Variants in TUBGCP3 observed in about 807,000 individuals in gnomAD.
TUBGCP3 encodes the protein tubulin gamma complex component 3.
TUBGCP3 carries 50 observed loss-of-function variants against 123.1 expected under a neutral mutation model. The ratio of observed to expected loss-of-function variants is 0.41; its 90% confidence interval spans 0.32 to 0.51. TUBGCP3 has a LOEUF of 0.51. Among genes scored for constraint, TUBGCP3 ranks in the 20% least tolerant of loss-of-function variants. The pLI is 0.36. For missense variants in TUBGCP3, 882 were observed against 1,127.0 expected, an observed-to-expected ratio of 0.78 and a Z score of 3.11; for synonymous variants, 405 against 413.9, an observed-to-expected ratio of 0.98 and a Z score of 0.26.
At chr13:112,518,891 C>T in intron 16 of TUBGCP3, 84 bp downstream of exon 16, 1 of 1,226,904 alleles carries the variant, frequency 8.2e-7, no homozygotes, top group South Asian at 1.2e-5. Flanking sequence ...TTAGAAGTCC[C>T]CAGAGAAGAA....
At position 112,526,696 on chromosome 13, in the gene TUBGCP3, T is replaced by C. The variant is rs111220137; in HGVS notation, c.1555+246A>G. On this transcript the variant is annotated intron_variant, in intron 13 of 21. Transcript: ENST00000261965. ...TCACATCACCATCATCACACCACCA[T>C]CATTACCCCCATCATCATCACCATC... Among the ~76,000 whole-genome samples the C allele has an allele frequency of 6.6e-3, 900 of 137,316 alleles. 8 individuals carry two copies. The highest frequency in any genetic ancestry group is 0.011 in the Non-Finnish European group (671 of 63,738). 90.1% of individuals were successfully genotyped at this position (137,316 alleles called of 152,430 possible). A position where few individuals can be genotyped will look rare whatever the true frequency, so the allele number is the denominator to read the frequency against.
intron 11 of TUBGCP3, among the ~76,000 whole-genome samples, chr13:112,531,366 A>G (rs549254202): frequency 5.3e-5 from 8 of 152,230 alleles, no homozygotes; most frequent in Admixed American, 3.9e-4. Context: ...GGTAAACAGC[A>G]GTACTATCAC....
intron 17 of TUBGCP3, among the ~76,000 whole-genome samples, chr13:112,513,416 C>A (rs757913141): frequency 6.6e-6 from 1 of 152,230 alleles, no homozygotes; most frequent in Non-Finnish European, 1.5e-5. Flanking sequence ...ATCAAAAACT[C>A]TTGCCCCCAG....
At chr13:112,587,857 C>T (rs1566599809) in intron 1 of TUBGCP3, 48 bp downstream of exon 1, 3 of 1,526,378 alleles carry the variant, frequency 2.0e-6, no homozygotes, top group Non-Finnish European at 8.9e-7. Context: ...GCGCAGGGAG[C>T]AGCCCCCGGG....
intron 17 of TUBGCP3, among the ~76,000 whole-genome samples, chr13:112,505,327 ATGTATGTG>A (rs931975691): frequency 7.2e-5 from 11 of 152,248 alleles, no homozygotes; most frequent in Non-Finnish European, 1.0e-4. Context: ...TGTTACACTA[ATGTATGTG>A]ATGGCTAAAT....
intron 3 of TUBGCP3, among the ~76,000 whole-genome samples, chr13:112,560,132 CAA>C (rs778347153): frequency 1.5e-4 from 13 of 87,646 alleles, no homozygotes; most frequent in Admixed American, 4.0e-4. Flanking sequence ...GACTCCGTCT[CAA>C]AAAAAAAAAA....
Position 112,556,217 on chromosome 13 carries a change from T to C in TUBGCP3, c.556A>G (p.Asn186Asp). The part of the protein sequence containing the change: ...APQSLLPGQS[N>D]QAPGVGDCLR... The stretch of plus-strand genomic sequence containing the variant: ...CAATCTCCTACTCCTGGAGCTTGAT[T>C]AGACTGTCTAAAAAAAGAAACATGT... The change falls in exon 6 of 22, where the codon AAT becomes GAT. Residue 186 changes from asparagine to aspartate, a missense_variant. Asn to Asp is a conservative substitution (Grantham distance 23). Around this residue, in one of 3 missense-constraint regions of TUBGCP3, gnomAD observed 713 missense variants for 874.0 expected, o/e 0.82. Transcript: ENST00000261965. 6.2e-7 allele frequency: 1 copy of C among 1,612,550 alleles called. No individual in the cohort carries two copies.
intron 21 of TUBGCP3, among the ~76,000 whole-genome samples, chr13:112,487,755 A>G (rs140918841): frequency 1.3e-5 from 2 of 152,328 alleles, no homozygotes; most frequent in East Asian, 3.9e-4. Context: ...ACAAAAATGC[A>G]AAAGTAGGCC....
chr13:112,591,073 A>G (rs1236058931), upstream of TUBGCP3, among the ~76,000 whole-genome samples: 1 of 152,206 alleles, frequency 6.6e-6, no homozygotes, highest in Non-Finnish European at 1.5e-5. Context: ...AAGAAGCAAA[A>G]ACTCAAGGAA....
chr13:112,583,619 C>T (rs945270549), intron 1 of TUBGCP3, among the ~76,000 whole-genome samples: 1 of 152,076 alleles, frequency 6.6e-6, no homozygotes, highest in Non-Finnish European at 1.5e-5. Flanking sequence ...TCAAGATGCA[C>T]AAAAATAAAT....
At chr13:112,492,858 G>A (rs149676850) in intron 20 of TUBGCP3, among the ~76,000 whole-genome samples, 211 of 148,604 alleles carry the variant, frequency 1.4e-3, no homozygotes, top group African/African-American at 5.1e-3. Context: ...AAACACTCTA[G>A]CTTTGGGAAC....
chr13:112,588,511 G>T (rs1402161045), upstream of TUBGCP3, among the ~76,000 whole-genome samples: 3 of 152,142 alleles, frequency 2.0e-5, no homozygotes, highest in Non-Finnish European at 4.4e-5. Flanking sequence ...GGTGCAGGGT[G>T]TTACGATTGT....
Position 112,511,130 on chromosome 13 carries a change from G to A in TUBGCP3, c.2086+5310C>T, listed in dbSNP as rs1053519360. Among the ~76,000 whole-genome samples the A allele has an allele frequency of 2.0e-5, 3 of 152,070 alleles. No individual in the cohort carries two copies. The highest frequency in any genetic ancestry group is 1.9e-4 in the East Asian group (1 of 5,184). On this transcript the variant is annotated intron_variant, in intron 17 of 21. Coordinates refer to ENST00000261965, the MANE Select transcript of TUBGCP3 (RefSeq NM_006322.6). This position sits in a 1 kb window ranked among gnomAD's most constrained non-coding sequence, Gnocchi z 4.1. ...GACACTGTCATTTGTAAGATGAATC[G>A]TTATTATATGAATCATCAAGAAAGT...
intron 8 of TUBGCP3, among the ~76,000 whole-genome samples, chr13:112,552,845 C>A (rs1333558112): frequency 6.8e-6 from 1 of 147,612 alleles, no homozygotes; most frequent in Non-Finnish European, 1.5e-5. Context: ...ACACTCCTCC[C>A]CACCAGCCAC....
At chr13:112,597,086 A>G in the TUBGCP3 span, among the ~76,000 whole-genome samples, 1 of 152,202 alleles carries the variant, frequency 6.6e-6, no homozygotes, top group African/African-American at 2.4e-5. Flanking sequence ...ACAAGCTGAA[A>G]CTTACTTTAA....
the TUBGCP3 span, among the ~76,000 whole-genome samples, chr13:112,599,172 T>C: frequency 4.6e-5 from 7 of 152,322 alleles, no homozygotes; most frequent in South Asian, 6.2e-4. Flanking sequence ...TCAACACGAC[T>C]TGTCACTGTT....
chr13:112,500,255 C>G (rs1880814518), intron 19 of TUBGCP3, among the ~76,000 whole-genome samples: 1 of 152,192 alleles, frequency 6.6e-6, no homozygotes, highest in Admixed American at 6.5e-5. Context: ...AATAAGGCAT[C>G]TAAGCAAACT....
At chr13:112,543,276 C>G (rs199779391) in intron 11 of TUBGCP3, among the ~76,000 whole-genome samples, 1 of 152,132 alleles carries the variant, frequency 6.6e-6, no homozygotes, top group Non-Finnish European at 1.5e-5. Flanking sequence ...TAGAAAGATA[C>G]AGGCTCACAA....
At chr13:112,587,685 G>A (rs1464775094) in intron 1 of TUBGCP3, among the ~76,000 whole-genome samples, 1 of 140,856 alleles carries the variant, frequency 7.1e-6, no homozygotes, top group Non-Finnish European at 1.5e-5. Flanking sequence ...CCTCCGCCCC[G>A]GTCCTGGCCC....
Sources: gnomAD v4.1 joint callset for allele counts (sites outside exome capture counted in the v4.1 genomes callset) on GRCh38, gnomAD v4.1.1 for gene constraint, gnomAD v4.1.1 regional missense constraint, Gnocchi (gnomAD v3.1) non-coding constraint, MANE v1.5 for transcripts, NCBI Gene and HGNC (gene_info 2026-07-23, HGNC 2026-07-21) for gene names.